ERC2: variants seen among roughly 807,000 people sequenced by gnomAD.
ERC2 encodes the protein ERC protein 2.
A neutral mutation model predicts 114.8 loss-of-function variants in ERC2; 42 were observed. The ratio of observed to expected loss-of-function variants is 0.37; its 90% CI spans 0.29 to 0.47. The LOEUF (loss-of-function observed/expected upper bound fraction) is 0.47. Ranked by LOEUF, ERC2 falls within the 20% of genes least tolerant of loss-of-function variation. The pLI is 0.99. For synonymous variants in ERC2, 454 were observed against 425.5 expected (o/e 1.07, Z -0.82); for missense variants, 939 against 1,150.7 (o/e 0.82, Z 2.66).
chr3:55,858,949 T>C (rs192032225), intron 14 of ERC2, among the ~76,000 whole-genome samples: 1 of 152,318 alleles, frequency 6.6e-6, no homozygotes, highest in Admixed American at 6.5e-5. Context: ...TCCTGACCCC[T>C]GCACTCTATC....
At position 55,724,970 on chromosome 3, in the gene ERC2, G is replaced by A. The variant is rs115467221; in HGVS notation, c.2712+9801C>T. Reference sequence around the variant, plus strand: ...CAATAAGAGGCTTGGTAAAACATGCGTTATCACTTAAAGAATAAATGTTTA... The same window carrying A: ...CAATAAGAGGCTTGGTAAAACATGCATTATCACTTAAAGAATAAATGTTTA... On this transcript the variant is annotated intron_variant, in intron 15 of 17. Coordinates refer to ENST00000288221, the MANE Select transcript of ERC2 (RefSeq NM_015576.3). Among the ~76,000 whole-genome samples the A allele has an allele frequency of 2.2e-4, 33 of 152,282 alleles. No individual in the cohort carries two copies. In the East Asian group the frequency reaches 5.4e-3, roughly 25 times the overall value.
At chr3:56,125,168 AG>A (rs1400812764) in intron 6 of ERC2, among the ~76,000 whole-genome samples, 1 of 152,180 alleles carries the variant, frequency 6.6e-6, no homozygotes, top group Non-Finnish European at 1.5e-5. Context: ...AAAATTAACA[AG>A]GTCTTATTCC....
At chr3:56,152,619 G>T (rs1470590275) in intron 4 of ERC2, among the ~76,000 whole-genome samples, 1 of 151,892 alleles carries the variant, frequency 6.6e-6, no homozygotes, top group Admixed American at 6.6e-5. Flanking sequence ...CCATGAAATT[G>T]TTTTGTCTTT....
Position 56,007,181 on chromosome 3 carries a change from CT to C in ERC2, c.2060del (p.Lys687ArgfsTer11). The C allele has an allele frequency of 1.3e-6, 2 of 1,555,016 alleles. No individual in the cohort carries two copies. The highest frequency in any genetic ancestry group is 1.7e-6 in the Non-Finnish European group (2 of 1,149,830). ...ATTCTTTTTCTTAGACTTCACTTAC[CT>C]TTTTTAACTGTGCTTCCAATTTGCT... is the stretch of plus-strand genomic sequence containing the variant. ...ECSKLEAQLK[K>X]AHNIEDDSRM... is the part of the protein sequence containing the mutation. On this transcript the variant is annotated frameshift_variant and splice_region_variant, in exon 10 of 18. Coordinates refer to ENST00000288221, the MANE Select transcript of ERC2 (RefSeq NM_015576.3). LOFTEE classifies it high-confidence loss of function.
intron 7 of ERC2, among the ~76,000 whole-genome samples, chr3:56,042,408 A>G (rs147061592): frequency 9.2e-5 from 14 of 152,338 alleles, no homozygotes; most frequent in East Asian, 1.9e-4. Context: ...GGGCTGGCAC[A>G]TAGGAGGTTC....
At chr3:56,021,514 T>C (rs1482766593) in intron 7 of ERC2, among the ~76,000 whole-genome samples, 2 of 152,190 alleles carry the variant, frequency 1.3e-5, no homozygotes, top group Admixed American at 6.6e-5. Context: ...TACTAAATTG[T>C]CCAAGTTGCC....
At chr3:55,841,820 C>T (rs1012040425) in intron 14 of ERC2, among the ~76,000 whole-genome samples, 11 of 152,188 alleles carry the variant, frequency 7.2e-5, no homozygotes, top group East Asian at 3.9e-4. Context: ...CAAGGAAGGC[C>T]GCATAGTGTT....
At chr3:55,967,342 T>C (rs1479144002) in intron 12 of ERC2, among the ~76,000 whole-genome samples, 2 of 152,174 alleles carry the variant, frequency 1.3e-5, no homozygotes, top group Admixed American at 1.3e-4. Context: ...TGAAAAATAT[T>C]TCATTAAGAT....
intron 1 of ERC2, among the ~76,000 whole-genome samples, chr3:56,463,617 A>T (rs750121615): frequency 2.6e-5 from 4 of 152,236 alleles, no homozygotes; most frequent in Non-Finnish European, 2.9e-5. Context: ...AGTGCCTAAC[A>T]CATAGTTAAC....
intron 16 of ERC2, among the ~76,000 whole-genome samples, chr3:55,697,835 G>C (rs1385208138): frequency 6.6e-6 from 1 of 151,852 alleles, no homozygotes; most frequent in Non-Finnish European, 1.5e-5. Flanking sequence ...CCAAAGTGGG[G>C]ACTGCAGGCT....
In ERC2 at chr3:55,963,595, C is replaced by A. The variant is rs142159496; in HGVS notation, c.2268-13035G>T. On this transcript the variant is annotated intron_variant, in intron 12 of 17. Transcript: ENST00000288221. ...TCTCCTCTTTGCACATTATTTACCT[C>A]TTTTCAAATTAAAAAAATGGAATCT... Among the ~76,000 whole-genome samples the A allele has an allele frequency of 5.4e-3, 823 of 152,260 alleles. 8 individuals carry two copies. Among genetic ancestry groups the A allele is most frequent in the Non-Finnish European group, 9.2e-3 (623 of 68,024 alleles).
At chr3:55,705,464 G>C (rs1321419047) in intron 15 of ERC2, among the ~76,000 whole-genome samples, 1 of 152,184 alleles carries the variant, frequency 6.6e-6, no homozygotes. Context: ...ATGTATGTGA[G>C]ATGAAAATTC....
chr3:55,909,689 G>C (rs1340344568), intron 13 of ERC2, among the ~76,000 whole-genome samples: 3 of 152,110 alleles, frequency 2.0e-5, no homozygotes, highest in Admixed American at 6.5e-5. Flanking sequence ...CAGCCACCCT[G>C]GGACAAAGAC....
chr3:55,951,872 C>T (rs1333620041), intron 12 of ERC2, among the ~76,000 whole-genome samples: 2 of 151,912 alleles, frequency 1.3e-5, no homozygotes, highest in African/African-American at 2.4e-5. Flanking sequence ...AACTGCTCTC[C>T]GCAAGAAACT....
chr3:55,798,685 G>A (rs897353580), intron 14 of ERC2, among the ~76,000 whole-genome samples: 3 of 151,830 alleles, frequency 2.0e-5, no homozygotes, highest in African/African-American at 4.8e-5. Context: ...CAGCAACAGT[G>A]GAAGCCAGAC....
intron 17 of ERC2, among the ~76,000 whole-genome samples, chr3:55,557,389 G>A (rs1470444477): frequency 2.0e-5 from 3 of 152,198 alleles, no homozygotes; most frequent in Non-Finnish European, 2.9e-5. Context: ...CTTCCTCTCA[G>A]GGAACCTCAA....
At chr3:55,519,472 C>T (rs1246283665) in intron 17 of ERC2, among the ~76,000 whole-genome samples, 2 of 152,172 alleles carry the variant, frequency 1.3e-5, no homozygotes, top group Non-Finnish European at 2.9e-5. Flanking sequence ...TCACCATTTC[C>T]AAGAAGTATT....
At chr3:56,433,349 A>G (rs1275706129) in intron 2 of ERC2, among the ~76,000 whole-genome samples, 2 of 152,254 alleles carry the variant, frequency 1.3e-5, no homozygotes, top group African/African-American at 4.8e-5. Flanking sequence ...AACAGGCCTC[A>G]CAGAATAGGT....
intron 14 of ERC2, among the ~76,000 whole-genome samples, chr3:55,754,021 T>C (rs1322154223): frequency 6.6e-6 from 1 of 152,168 alleles, no homozygotes; most frequent in East Asian, 1.9e-4. Context: ...ATGTAAACCA[T>C]TTAGCACATT....
Sources: gnomAD v4.1 joint callset for allele counts (sites outside exome capture counted in the v4.1 genomes callset) on GRCh38, gnomAD v4.1.1 for gene constraint, MANE v1.5 for transcripts, NCBI Gene and HGNC (gene_info 2026-07-23, HGNC 2026-07-21) for gene names.